LMX1B: variants seen among roughly 807,000 people sequenced by gnomAD.
LMX1B encodes the protein LIM homeobox transcription factor 1-beta.
In LMX1B, 12 loss-of-function variants were observed where a neutral mutation model predicts 51.4. The ratio of observed to expected loss-of-function variants is 0.23; its 90% confidence interval spans 0.15 to 0.38. The LOEUF is 0.38. LMX1B is among the 10% of genes least tolerant of loss of function. The pLI is 1.00. For synonymous variants in LMX1B, 237 were observed against 235.4 expected, an observed-to-expected ratio of 1.01 and a Z score of -0.06; for missense variants, 445 against 571.1, an observed-to-expected ratio of 0.78 and a Z score of 2.25.
intron 2 of LMX1B, among the ~76,000 whole-genome samples, chr9:126,651,129 ATCTC>A (rs1048855175): frequency 2.7e-5 from 4 of 147,476 alleles, no homozygotes; most frequent in Non-Finnish European, 6.0e-5. Flanking sequence ...CTCCCTCCCC[ATCTC>A]TCTCTCTCTC....
At chr9:126,616,497 G>C (rs1477847380) in intron 2 of LMX1B, among the ~76,000 whole-genome samples, 2 of 152,222 alleles carry the variant, frequency 1.3e-5, no homozygotes, top group East Asian at 3.8e-4. Flanking sequence ...GAGGCAGTGA[G>C]GAGCCACAAC....
In LMX1B at chr9:126,641,500, T is replaced by C. The variant is rs1348724102; in HGVS notation, c.326+25931T>C. 6.6e-6 allele frequency among the ~76,000 whole-genome samples: 1 copy of C among 152,138 alleles called. No individual in the cohort carries two copies. Among genetic ancestry groups the C allele is most frequent in the Admixed American group, 6.5e-5 (1 of 15,274 alleles). ...TGCATATCTTCATGGGCCCTGCACT[T>C]AGCCATGGTGCCTGATAGTATGGTC... On this transcript the variant is annotated intron_variant, in intron 2 of 7. Transcript: ENST00000373474. This position sits in a 1 kb window ranked among gnomAD's most constrained non-coding sequence, Gnocchi z 4.1.
At position 126,615,497 on chromosome 9, in the gene LMX1B, C is replaced by G. The variant is rs775571516; in HGVS notation, c.254C>G (p.Ala85Gly). Residue 85 changes from alanine to glycine, a missense_variant, in exon 2 of 8, where the codon GCG becomes GGG. Transcript: ENST00000373474. This position sits in a 1 kb window ranked among gnomAD's most constrained non-coding sequence, Gnocchi z 6.0. ...SWHEECLQCAACQQALTTSCY... is the reference protein window; with the variant it reads ...SWHEECLQCAGCQQALTTSCY... ...CACGAGGAGTGTTTGCAGTGCGCGG[C>G]GTGTCAGCAAGCCCTCACCACCAGC... is the stretch of plus-strand genomic sequence containing the variant. 1 of 1,611,844 alleles carries G rather than the reference C, an allele frequency of 6.2e-7. No individual in the cohort carries two copies. The highest frequency in any genetic ancestry group is 1.3e-5 in the African/African-American group (1 of 74,836).
rs1412576454 is a variant in LMX1B at position 126,615,164 on chromosome 9, T to TCGAGGCCCGCGGCCTCTCCACGC, written c.140-216_140-194dup. 6.6e-6 allele frequency among the ~76,000 whole-genome samples: 1 copy of TCGAGGCCCGCGGCCTCTCCACGC among 151,864 alleles called. No homozygotes were observed. The highest frequency in any genetic ancestry group is 2.0e-4 in the East Asian group (1 of 5,114). On this transcript the variant is annotated intron_variant, in intron 1 of 7. Coordinates refer to ENST00000373474, the MANE Select transcript of LMX1B (RefSeq NM_001174147.2). The surrounding 1 kb of genome is among the most constrained non-coding windows in gnomAD (Gnocchi z 6.0). ...GGAGAGCACAGCGCCGAGCCAAGGC[T>TCGAGGCCCGCGGCCTCTCCACGC]CGAGGCCCGCGGCCTCTCCACGCCG... is the stretch of plus-strand genomic sequence containing the variant.
intron 2 of LMX1B, among the ~76,000 whole-genome samples, chr9:126,621,104 A>G (rs1486199920): frequency 1.3e-5 from 2 of 152,212 alleles, no homozygotes; most frequent in South Asian, 4.1e-4. Flanking sequence ...CTAAAAAATA[A>G]AGAAAAGGAA....
intron 2 of LMX1B, among the ~76,000 whole-genome samples, chr9:126,663,331 A>C (rs1836280312): frequency 6.6e-6 from 1 of 151,826 alleles, no homozygotes; most frequent in Non-Finnish European, 1.5e-5. Context: ...AGGCTGAGGC[A>C]GGAGAATCAC....
chr9:126,669,520 T>C (rs1836411387), intron 2 of LMX1B, among the ~76,000 whole-genome samples: 1 of 152,286 alleles, frequency 6.6e-6, no homozygotes, highest in Non-Finnish European at 1.5e-5. Flanking sequence ...TGCTTGGGCA[T>C]CCGTGTGGGC....
At chr9:126,621,509 G>A (rs1451703780) in intron 2 of LMX1B, among the ~76,000 whole-genome samples, 1 of 152,244 alleles carries the variant, frequency 6.6e-6, no homozygotes, top group East Asian at 1.9e-4. Context: ...CACGAAGGTA[G>A]AGGAAGCAAA....
rs1021801551 is a variant in LMX1B, at chr9:126,618,105, T to C, written c.326+2536T>C. ...CATATTTATTTCATCTGTGCGTAAA[T>C]GCTTTTCAGACAGGAATCCAAGCAA... On this transcript the variant is annotated intron_variant, in intron 2 of 7. Transcript: ENST00000373474. This position sits in a 1 kb window ranked among gnomAD's most constrained non-coding sequence, Gnocchi z 4.5. 1.3e-5 allele frequency among the ~76,000 whole-genome samples: 2 copies of C among 152,200 alleles called. No individual in the cohort carries two copies. Among genetic ancestry groups the C allele is most frequent in the African/African-American group, 4.8e-5 (2 of 41,466 alleles).
chr9:126,690,312 G>A (rs1320895335), intron 2 of LMX1B, among the ~76,000 whole-genome samples: 1 of 152,178 alleles, frequency 6.6e-6, no homozygotes, highest in Non-Finnish European at 1.5e-5. Flanking sequence ...TGTGTGGGCT[G>A]GGGTTTGAAG....
At chr9:126,668,240 G>C (rs1431667421) in intron 2 of LMX1B, among the ~76,000 whole-genome samples, 1 of 152,104 alleles carries the variant, frequency 6.6e-6, no homozygotes, top group Non-Finnish European at 1.5e-5. Context: ...GGTTGGAAAG[G>C]GTGGCTGAGT....
intron 2 of LMX1B, among the ~76,000 whole-genome samples, chr9:126,638,585 C>T (rs1442889405): frequency 6.6e-6 from 1 of 152,176 alleles, no homozygotes; most frequent in Admixed American, 6.5e-5. Context: ...TTGCCAGGCC[C>T]GCTTGGCAGT....
At chr9:126,660,271 G>C (rs113845710) in intron 2 of LMX1B, among the ~76,000 whole-genome samples, 22,946 of 150,912 alleles carry the variant, frequency 0.15, 1,825 homozygotes, top group South Asian at 0.22. Flanking sequence ...TAGCCTTAGA[G>C]ATTGTCCTGT....
intron 2 of LMX1B, among the ~76,000 whole-genome samples, chr9:126,672,105 C>T (rs898953932): frequency 1.3e-5 from 2 of 152,232 alleles, no homozygotes; most frequent in South Asian, 2.1e-4. Flanking sequence ...GTGAAGGTCT[C>T]CAGCTCTGGA....
At position 126,615,666 on chromosome 9, in the gene LMX1B, CTG is replaced by C. The variant is rs1422658430; in HGVS notation, c.326+100_326+101del. The C allele has an allele frequency of 8.8e-7, 1 of 1,135,064 alleles. No individual in the cohort carries two copies. The highest frequency in any genetic ancestry group is 1.6e-5 in the African/African-American group (1 of 61,090). 70.3% of individuals were successfully genotyped at this position (1,135,064 alleles called of 1,614,324 possible). ...GCCCGCGCCCGCTCTGCCGCCGGCT[CTG>C]TGCGCGGCTGGGCCGGGCAGCTCCA... On this transcript the variant is annotated intron_variant, in intron 2 of 7. Transcript: ENST00000373474. This position sits in a 1 kb window ranked among gnomAD's most constrained non-coding sequence, Gnocchi z 6.0.
At chr9:126,652,304 G>GT (rs921552181) in intron 2 of LMX1B, among the ~76,000 whole-genome samples, 26 of 148,824 alleles carry the variant, frequency 1.7e-4, no homozygotes, top group East Asian at 8.4e-4. Flanking sequence ...GAAGGGGGGG[G>GT]GGATTTTCTC....
At position 126,698,517 on chromosome 9, in the gene LMX1B, A is replaced by G. The variant is rs1358516255; in HGVS notation, c.*2066A>G. On this transcript the variant is annotated 3_prime_UTR_variant, in exon 8 of 8. Coordinates refer to ENST00000373474, the MANE Select transcript of LMX1B (RefSeq NM_001174147.2). ...GTGCACTAGATCCATCCCCAGCCCCAGTCTGCTCAACTCTATCCCTGTCAG... is the reference window on the plus strand; with the variant it reads ...GTGCACTAGATCCATCCCCAGCCCCGGTCTGCTCAACTCTATCCCTGTCAG... The G allele has an allele frequency of 1.3e-5, 2 of 152,216 alleles. No individual in the cohort carries two copies. The highest frequency in any genetic ancestry group is 1.3e-4 in the Admixed American group (2 of 15,272). The allele number at this position is 152,216 out of a possible 1,614,324, so 9.4% of individuals were successfully genotyped here. A position where few individuals can be genotyped will look rare whatever the true frequency, so the allele number is the denominator to read the frequency against.
intron 2 of LMX1B, among the ~76,000 whole-genome samples, chr9:126,633,670 G>A (rs923048200): frequency 6.6e-6 from 1 of 152,184 alleles, no homozygotes; most frequent in Admixed American, 6.5e-5. Flanking sequence ...CATCCTCCCT[G>A]TAGCTGTCCC....
At chr9:126,685,943 A>G (rs1375816597) in intron 2 of LMX1B, among the ~76,000 whole-genome samples, 1 of 152,068 alleles carries the variant, frequency 6.6e-6, no homozygotes, top group Non-Finnish European at 1.5e-5. Context: ...TGCAGTCTGG[A>G]CCTTAAGATC....
Sources: allele counts gnomAD v4.1 joint callset (sites outside exome capture counted in the v4.1 genomes callset), GRCh38; gene constraint gnomAD v4.1.1; non-coding constraint Gnocchi (gnomAD v3.1); transcripts MANE v1.5; gene names NCBI Gene and HGNC (gene_info 2026-07-23, HGNC 2026-07-21).